FGFR4: variants seen among roughly 807,000 people sequenced by gnomAD.
FGFR4 encodes fibroblast growth factor receptor 4, also known as hydroxyaryl-protein kinase.
FGFR4 carries 63 observed loss-of-function variants against 89.9 expected under a neutral mutation model. That is an observed-to-expected ratio of 0.70 (90% CI 0.57 to 0.86). The LOEUF (loss-of-function observed/expected upper bound fraction) is 0.86, where lower values mean the gene tolerates loss of function less well. Among genes scored for constraint, FGFR4 ranks in the 40% least tolerant of loss-of-function variants. FGFR4 has a pLI of 0.00. For missense variants in FGFR4, 928 were observed against 1,106.7 expected (o/e 0.84, Z 2.29); for synonymous variants, 486 against 479.4 (o/e 1.01, Z -0.18).
rs199699604 is a variant in FGFR4, at chr5:177,092,361, G to A, written c.768G>A (p.Pro256=). 9 of 1,600,178 alleles carry A rather than the reference G, an allele frequency of 5.6e-6. No homozygotes were observed. The highest frequency in any genetic ancestry group is 7.7e-6 in the Non-Finnish European group (9 of 1,170,340). ...GGCCCATCCTGCAGGCCGGGCTCCC[G>A]GCCAACACCACAGCCGTGGTGGGCA... ...PHRPILQAGL[P]ANTTAVVGSD... The change falls in exon 7 of 18, where the codon CCG becomes CCA. Residue 256 remains proline (P), a synonymous_variant. Coordinates refer to ENST00000292408, the MANE Select transcript of FGFR4 (RefSeq NM_213647.3).
Position 177,091,732 on chromosome 5 carries a change from G to A in FGFR4, c.651G>A (p.Ser217=), listed in dbSNP as rs764174482. ...TCGTGATGGAGAGCGTGGTGCCCTCGGACCGCGGCACATACACCTGCCTGG... is the reference window on the plus strand; with the variant it reads ...TCGTGATGGAGAGCGTGGTGCCCTCAGACCGCGGCACATACACCTGCCTGG... ...WSLVMESVVP[S]DRGTYTCLVE... The change falls in exon 6 of 18, where the codon TCG becomes TCA. Residue 217 remains serine, a synonymous_variant. Transcript: ENST00000292408. 21 of 1,614,214 alleles carry A rather than the reference G, an allele frequency of 1.3e-5. No homozygotes were observed. The East Asian group carries it at 2.2e-4, about 17-fold the overall frequency.
At chr5:177,091,218 C>T in intron 5 of FGFR4, 114 bp downstream of exon 5, 1 of 1,342,444 alleles carries the variant, frequency 7.4e-7, no homozygotes, top group South Asian at 1.5e-5. Context: ...GATTGCGGGG[C>T]CCCGGAAGGA....
chr5:177,096,437 T>C (rs558239757), intron 15 of FGFR4, 80 bp downstream of exon 15: 338 of 1,572,694 alleles, frequency 2.1e-4, no homozygotes, highest in Non-Finnish European at 2.8e-4. Flanking sequence ...CCAGGAGTCA[T>C]GCGCTCGAGG....
rs759061383 is a variant in FGFR4 at position 177,097,433 on chromosome 5, G to A, written c.2259+36G>A. ...TCCCACCCACCACCTCCCTCTGCCT[G>A]CTCCCCTCCAGGCCTCATCTGGCCT... On this transcript the variant is annotated intron_variant, in intron 17 of 17. Transcript: ENST00000292408. 5 of 1,603,820 alleles carry A rather than the reference G, an allele frequency of 3.1e-6. No homozygotes were observed. In the African/African-American group the frequency reaches 6.7e-5, roughly 21 times the overall value.
At chr5:177,089,187 A>T (rs1360544943) in intron 1 of FGFR4, among the ~76,000 whole-genome samples, 1 of 152,316 alleles carries the variant, frequency 6.6e-6, no homozygotes, top group East Asian at 1.9e-4. Context: ...TTCTGCAATC[A>T]ATTCATTTAT....
Position 177,093,846 on chromosome 5 carries a change from C to A in FGFR4, c.1519+71C>A. 1 of 1,515,248 alleles carries A rather than the reference C, an allele frequency of 6.6e-7. No homozygotes were observed. The highest frequency in any genetic ancestry group is 1.4e-5 in the African/African-American group (1 of 72,474). 93.9% of individuals were successfully genotyped at this position (1,515,248 alleles called of 1,614,324 possible). On this transcript the variant is annotated intron_variant, in intron 11 of 17. Coordinates refer to ENST00000292408, the MANE Select transcript of FGFR4 (RefSeq NM_213647.3). This position sits in a 1 kb window ranked among gnomAD's most constrained non-coding sequence, Gnocchi z 5.8. ...TTTAGGAGGCTGAGGGTGGGAGGAT[C>A]GCTTGAATCCAGGAATTCGAGGCCA...
In FGFR4 at chr5:177,093,914, T is replaced by C; in HGVS notation, c.1519+139T>C. The C allele has an allele frequency of 9.8e-7, 1 of 1,022,582 alleles. No individual in the cohort carries two copies. Among genetic ancestry groups the C allele is most frequent in the Non-Finnish European group, 1.4e-6 (1 of 726,202 alleles). 63.3% of individuals were successfully genotyped at this position (1,022,582 alleles called of 1,614,324 possible). Reference sequence around the variant, plus strand: ...AGACTTCATCTCTACAAAAAAAAAATAAGAAAATTAGTTGGGTGTGGTGGT... The same window carrying C: ...AGACTTCATCTCTACAAAAAAAAAACAAGAAAATTAGTTGGGTGTGGTGGT... On this transcript the variant is annotated intron_variant, in intron 11 of 17. Transcript: ENST00000292408. The surrounding 1 kb of genome is among the most constrained non-coding windows in gnomAD (Gnocchi z 5.8).
At position 177,093,278 on chromosome 5, in the gene FGFR4, C is replaced by CCCCG. The variant is rs765374672; in HGVS notation, c.1209_1212dup (p.Thr405ArgfsTer92). On this transcript the variant is annotated frameshift_variant, in exon 9 of 18. Coordinates refer to ENST00000292408, the MANE Select transcript of FGFR4 (RefSeq NM_213647.3). LOFTEE classifies it high-confidence loss of function. This position sits in a 1 kb window ranked among gnomAD's most constrained non-coding sequence, Gnocchi z 5.8. Reference sequence around the variant, plus strand: ...AGGGCAGGCGCTCCACGGCCGGCACCCCCGCCCGCCCGCCACTGTGCAGAA... The same window carrying CCCCG: ...AGGGCAGGCGCTCCACGGCCGGCACCCCCGCCCGCCCGCCCGCCACTGTGCAGAA... 3.1e-6 allele frequency: 5 copies of CCCCG among 1,609,184 alleles called. No homozygotes were observed. The highest frequency in any genetic ancestry group is 2.2e-5 in the South Asian group (2 of 90,928).
rs758311403 is a variant in FGFR4 at position 177,093,940 on chromosome 5, G to T, written c.1519+165G>T. Among the ~76,000 whole-genome samples, 34 of 152,040 alleles carry T rather than the reference G, an allele frequency of 2.2e-4. No individual in the cohort carries two copies. The highest frequency in any genetic ancestry group is 4.1e-4 in the Non-Finnish European group (28 of 67,968). ...AAGAAAATTAGTTGGGTGTGGTGGT[G>T]TGTGCCTTTAGTCTCAGTTACTAGG... On this transcript the variant is annotated intron_variant, in intron 11 of 17. Transcript: ENST00000292408. The surrounding 1 kb of genome is among the most constrained non-coding windows in gnomAD (Gnocchi z 5.8).
Position 177,090,458 on chromosome 5 carries a change from C to G in FGFR4, c.160C>G (p.Arg54Gly). The G allele has an allele frequency of 1.2e-6, 2 of 1,603,272 alleles. No individual in the cohort carries two copies. Among genetic ancestry groups the G allele is most frequent in the Middle Eastern group, 1.7e-4 (1 of 6,002 alleles). The change falls in exon 3 of 18, where the codon CGT becomes GGT. Residue 54 changes from arginine to glycine, a missense_variant. Transcript: ENST00000292408. The stretch of plus-strand genomic sequence containing the variant: ...GACAGTAGCCCTTGGGCAGCCTGTG[C>G]GTCTGTGCTGTGGGCGGGCTGAGCG... Reference protein sequence around the residue: ...ELTVALGQPVRLCCGRAERGG... With the variant: ...ELTVALGQPVGLCCGRAERGG...
At position 177,093,151 on chromosome 5, in the gene FGFR4, A is replaced by G. The variant is rs750678606; in HGVS notation, c.1071A>G (p.Thr357=). Reference sequence around the variant, plus strand: ...GTGCGAGGGCAGAGGAGGACCCCACATGGACCGCAGCAGCGCCCGAGGCCA... The same window carrying G: ...GTGCGAGGGCAGAGGAGGACCCCACGTGGACCGCAGCAGCGCCCGAGGCCA... ...WLTVLPEEDP[T]WTAAAPEARY... The change falls in exon 9 of 18, where the codon ACA becomes ACG. Residue 357 remains threonine, a synonymous_variant. Coordinates refer to ENST00000292408, the MANE Select transcript of FGFR4 (RefSeq NM_213647.3). The surrounding 1 kb of genome is among the most constrained non-coding windows in gnomAD (Gnocchi z 5.8). 6.2e-7 allele frequency: 1 copy of G among 1,614,092 alleles called. No individual in the cohort carries two copies. Among genetic ancestry groups the G allele is most frequent in the Non-Finnish European group, 8.5e-7 (1 of 1,180,014 alleles).
In FGFR4 at chr5:177,087,539, TA is replaced by T; in HGVS notation, c.-54+464del. ...GGAGAACCCAGGACTGTCTGATGCC[TA>T]AGGCAGGCCCTCCATTCCCACGTGG... On this transcript the variant is annotated intron_variant, in intron 1 of 17. Transcript: ENST00000292408. This position sits in a 1 kb window ranked among gnomAD's most constrained non-coding sequence, Gnocchi z 6.1. The T allele has an allele frequency of 2.0e-6, 2 of 979,036 alleles. No individual in the cohort carries two copies. Among genetic ancestry groups the T allele is most frequent in the Non-Finnish European group, 2.4e-6 (2 of 824,228 alleles). 60.6% of individuals were successfully genotyped at this position (979,036 alleles called of 1,614,324 possible).
At position 177,095,852 on chromosome 5, in the gene FGFR4, C is replaced by A; in HGVS notation, c.1821+129C>A. ...CCCCACCTCAGTGTCCCCAGGCATTCACGCTTTCCTGCATTCCCCACTCGT... is the reference window on the plus strand; with the variant it reads ...CCCCACCTCAGTGTCCCCAGGCATTAACGCTTTCCTGCATTCCCCACTCGT... On this transcript the variant is annotated intron_variant, in intron 13 of 17. Coordinates refer to ENST00000292408, the MANE Select transcript of FGFR4 (RefSeq NM_213647.3). The surrounding 1 kb of genome is among the most constrained non-coding windows in gnomAD (Gnocchi z 5.7). 7.9e-7 allele frequency: 1 copy of A among 1,259,554 alleles called. No homozygotes were observed. 78.0% of individuals were successfully genotyped at this position (1,259,554 alleles called of 1,614,324 possible).
In FGFR4 at chr5:177,090,999, C is replaced by A. The variant is rs142584511; in HGVS notation, c.498C>A (p.Asn166Lys). The change falls in exon 5 of 18, where the codon AAC becomes AAA. Residue 166 changes from asparagine (N) to lysine (K), a missense_variant. Physicochemically the swap from Asn to Lys is moderately conservative, Grantham distance 94. This residue lies in a region of FGFR4 where 741 missense variants were observed against 836.9 expected (regional missense o/e 0.89). Coordinates refer to ENST00000292408, the MANE Select transcript of FGFR4 (RefSeq NM_213647.3). Reference protein sequence around the residue: ...EKKLHAVPAGNTVKFRCPAAG... With the variant: ...EKKLHAVPAGKTVKFRCPAAG... The stretch of plus-strand genomic sequence containing the variant: ...AACTGCATGCAGTACCTGCGGGGAA[C>A]ACCGTCAAGTTCCGCTGTCCAGCTG... 1.2e-6 allele frequency: 2 copies of A among 1,613,822 alleles called. No individual in the cohort carries two copies. Among genetic ancestry groups the A allele is most frequent in the Admixed American group, 1.7e-5 (1 of 59,998 alleles).
In FGFR4 at chr5:177,092,688, C is replaced by A; in HGVS notation, c.961C>A (p.Arg321=). 6.2e-7 allele frequency: 1 copy of A among 1,613,806 alleles called. No individual in the cohort carries two copies. Among genetic ancestry groups the A allele is most frequent in the Non-Finnish European group, 8.5e-7 (1 of 1,179,708 alleles). The part of the protein sequence containing the change: ...NSSEVEVLYL[R]NVSAEDAGEY... ...CTCAGAGGTGGAGGTCCTGTACCTG[C>A]GGAACGTGTCAGCCGAGGACGCAGG... Residue 321 remains arginine (R), a synonymous_variant, in exon 8 of 18, where the codon CGG becomes AGG. Transcript: ENST00000292408.
intron 16 of FGFR4, 72 bp downstream of exon 16, chr5:177,096,813 G>T: frequency 6.6e-7 from 1 of 1,523,202 alleles, no homozygotes; most frequent in Non-Finnish European, 8.8e-7. Flanking sequence ...TGGCCTCAGG[G>T]TGTGTCCCGG....
rs1784504982 is a variant in FGFR4, at chr5:177,095,160, C to T, written c.1520-170C>T. On this transcript the variant is annotated intron_variant, in intron 11 of 17. Transcript: ENST00000292408. This position sits in a 1 kb window ranked among gnomAD's most constrained non-coding sequence, Gnocchi z 5.7. The stretch of plus-strand genomic sequence containing the variant: ...ACTGCTCTGTTTCCCACAAGACGAA[C>T]CTGAGGTTCAGAGACGCTAGGAGAC... The T allele has an allele frequency of 3.2e-6, 2 of 627,430 alleles. No homozygotes were observed. Among genetic ancestry groups the T allele is most frequent in the Non-Finnish European group, 2.9e-6 (1 of 344,502 alleles). 38.9% of individuals were successfully genotyped at this position (627,430 alleles called of 1,614,324 possible).
At chr5:177,096,539 C>G (rs2149739048) in intron 15 of FGFR4, 65 bp from the exon 16 acceptor site, 1 of 1,589,348 alleles carries the variant, frequency 6.3e-7, no homozygotes, top group Non-Finnish European at 8.6e-7. Context: ...TCTGTGGGGT[C>G]CCCCGTCCTA....
intron 2 of FGFR4, 200 bp downstream of exon 2, chr5:177,089,893 A>T: frequency 1.3e-6 from 1 of 796,822 alleles, no homozygotes; most frequent in South Asian, 1.5e-5. Context: ...GCGAGAGAGG[A>T]CTGGCCTTGC....
Sources: allele counts gnomAD v4.1 joint callset (sites outside exome capture counted in the v4.1 genomes callset), GRCh38; gene constraint gnomAD v4.1.1; regional missense constraint gnomAD v4.1.1; non-coding constraint Gnocchi (gnomAD v3.1); transcripts MANE v1.5; gene names NCBI Gene and HGNC (gene_info 2026-07-23, HGNC 2026-07-21).